The following ZNF92 variants were observed in gnomAD, a reference collection of about 807,000 sequenced individuals.
ZNF92 encodes epididymis luminal protein 203.
Under a neutral mutation model 12.4 loss-of-function variants are expected in ZNF92, and 11 were observed. The observed-to-expected ratio is 0.89, with a 90% CI of 0.56 to 1.47. The LOEUF is 1.47. Ranked by LOEUF, ZNF92 falls within the 40% of genes most tolerant of loss-of-function variation. The pLI, the probability that ZNF92 is intolerant of heterozygous loss-of-function variation, is 0.00. For synonymous variants in ZNF92, 206 were observed against 228.6 expected (o/e 0.90, Z 0.89); for missense variants, 622 against 681.0 (o/e 0.91, Z 0.96).
In ZNF92 at chr7:65,398,707, A is replaced by G; in HGVS notation, c.593A>G (p.Glu198Gly). Residue 198 changes from glutamate to glycine, a missense_variant, in exon 4 of 4, where the codon GAG becomes GGG. Glu to Gly is a moderately conservative substitution (Grantham distance 98). Transcript: ENST00000328747. ...CAACATAAGAAAATTCATACTAGAG[A>G]GTATTCTTACAAATGTGAAGAATGT... Reference protein sequence around the residue: ...LTQHKKIHTREYSYKCEECGK... With the variant: ...LTQHKKIHTRGYSYKCEECGK... 2.5e-6 allele frequency: 4 copies of G among 1,612,008 alleles called. No individual in the cohort carries two copies. The highest frequency in any genetic ancestry group is 2.2e-5 in the East Asian group (1 of 44,828).
At chr7:65,375,147 T>C (rs746326395) in intron 1 of ZNF92, among the ~76,000 whole-genome samples, 2 of 152,114 alleles carry the variant, frequency 1.3e-5, no homozygotes, top group Non-Finnish European at 2.9e-5. Context: ...CTCTTTTCTT[T>C]TTATCTTCCT....
At position 65,374,169 on chromosome 7, in the gene ZNF92, G is replaced by T. The variant is rs1432569470; in HGVS notation, c.3+169G>T. ...AGTCTCCTTCAGCCATAAGATGGCG[G>T]CTGGGCTGACAGCCGGGACCCCGGG... On this transcript the variant is annotated intron_variant, in intron 1 of 3. Coordinates refer to ENST00000328747, the MANE Select transcript of ZNF92 (RefSeq NM_152626.4). 3.9e-5 allele frequency among the ~76,000 whole-genome samples: 6 copies of T among 152,088 alleles called. No homozygotes were observed. In the East Asian group the frequency reaches 9.7e-4, roughly 24 times the overall value.
Position 65,398,873 on chromosome 7 carries a change from A to C in ZNF92, c.759A>C (p.Gly253=). The change falls in exon 4 of 4, where the codon GGA becomes GGC. Residue 253 remains glycine (G), a synonymous_variant. Coordinates refer to ENST00000328747, the MANE Select transcript of ZNF92 (RefSeq NM_152626.4). The part of the protein sequence containing the change: ...NLTKHKIIHT[G]EKPYKCEECG... The stretch of plus-strand genomic sequence containing the variant: ...CTAAACATAAAATAATTCATACTGG[A>C]GAGAAACCCTACAAATGTGAAGAAT... 6.2e-7 allele frequency: 1 copy of C among 1,613,062 alleles called. No homozygotes were observed.
Position 65,401,007 on chromosome 7 carries a change from GAAA to G in ZNF92, c.*1137_*1139del, listed in dbSNP as rs567597169. ...CTAACATTCTTTTGCAGTATAGTGA[GAAA>G]AAAACATTTTAAAATTAATTATCAT... On this transcript the variant is annotated 3_prime_UTR_variant, in exon 4 of 4. Coordinates refer to ENST00000328747, the MANE Select transcript of ZNF92 (RefSeq NM_152626.4). The G allele has an allele frequency of 9.0e-4, 137 of 151,952 alleles. 1 individual carries two copies. Among genetic ancestry groups the G allele is most frequent in the African/African-American group, 2.9e-3 (119 of 41,456 alleles). 9.4% of individuals were successfully genotyped at this position (151,952 alleles called of 1,614,324 possible).
At position 65,387,889 on chromosome 7, in the gene ZNF92, G is replaced by A. The variant is rs1562793074; in HGVS notation, c.4-13G>A. On this transcript the variant is annotated splice_polypyrimidine_tract_variant and intron_variant, in intron 1 of 3. Transcript: ENST00000328747. ...AACATATGTGTGTTTGTGTGTGTGT[G>A]TGTGTTTTTCAGGGACCACTGACAT... The A allele has an allele frequency of 6.3e-7, 1 of 1,594,580 alleles. No individual in the cohort carries two copies. The highest frequency in any genetic ancestry group is 8.5e-7 in the Non-Finnish European group (1 of 1,171,164).
intron 1 of ZNF92, among the ~76,000 whole-genome samples, chr7:65,375,765 T>C (rs1028100053): frequency 6.6e-6 from 1 of 151,542 alleles, no homozygotes; most frequent in Non-Finnish European, 1.5e-5. Context: ...GGGGAATCGC[T>C]TGAACCCGGG....
intron 1 of ZNF92, among the ~76,000 whole-genome samples, chr7:65,386,731 A>C (rs1027228585): frequency 6.6e-6 from 1 of 152,136 alleles, no homozygotes; most frequent in Non-Finnish European, 1.5e-5. Flanking sequence ...ATGTTTCTTT[A>C]TGGTTAAATT....
Position 65,400,587 on chromosome 7 carries a change from GAGTGTTGAGTATAGGAGA to G in ZNF92, c.*713_*730del, listed in dbSNP as rs1793988350. The stretch of plus-strand genomic sequence containing the variant: ...ATACTTCAGACATTACACTAAATTA[GAGTGTTGAGTATAGGAGA>G]TCCAAAACTAAAATTGTTAGGTAAG... On this transcript the variant is annotated 3_prime_UTR_variant, in exon 4 of 4. Transcript: ENST00000328747. 1 of 151,932 alleles carries G rather than the reference GAGTGTTGAGTATAGGAGA, an allele frequency of 6.6e-6. No homozygotes were observed. Among genetic ancestry groups the G allele is most frequent in the Admixed American group, 6.6e-5 (1 of 15,250 alleles). 9.4% of individuals were successfully genotyped at this position (151,932 alleles called of 1,614,324 possible).
intron 3 of ZNF92, among the ~76,000 whole-genome samples, chr7:65,397,082 T>G (rs1301993765): frequency 6.6e-6 from 1 of 151,958 alleles, no homozygotes; most frequent in Non-Finnish European, 1.5e-5. Flanking sequence ...GCCAGTAAGT[T>G]TTACCTTCTG....
At position 65,388,059 on chromosome 7, in the gene ZNF92, T is replaced by C. The variant is rs763483548; in HGVS notation, c.130+31T>C. On this transcript the variant is annotated intron_variant, in intron 2 of 3. Transcript: ENST00000328747. ...GATAACTTCAATACACAATACACAA[T>C]GCTCTAAAAGTTTCATTTCTCCTCT... is the stretch of plus-strand genomic sequence containing the variant. The C allele has an allele frequency of 1.9e-6, 3 of 1,564,644 alleles. No individual in the cohort carries two copies. In the South Asian group the frequency reaches 3.5e-5, roughly 18 times the overall value.
intron 3 of ZNF92, among the ~76,000 whole-genome samples, chr7:65,393,406 C>G (rs1793771369): frequency 2.0e-5 from 3 of 150,994 alleles, no homozygotes; most frequent in African/African-American, 7.3e-5. Flanking sequence ...GTTTATAAAT[C>G]AAGAAGACAG....
intron 3 of ZNF92, among the ~76,000 whole-genome samples, chr7:65,395,969 T>C (rs551407759): frequency 5.9e-5 from 9 of 152,236 alleles, no homozygotes; most frequent in Admixed American, 2.0e-4. Flanking sequence ...TGGTTTGCAG[T>C]GGTGTGATCA....
Position 65,398,337 on chromosome 7 carries a change from T to G in ZNF92, c.227-4T>G, listed in dbSNP as rs1793897738. The G allele has an allele frequency of 5.3e-6, 8 of 1,516,834 alleles. No individual in the cohort carries two copies. The East Asian group carries it at 1.8e-4, about 34-fold the overall frequency. The allele number at this position is 1,516,834 out of a possible 1,614,324, so 94.0% of individuals were successfully genotyped here. A position where few individuals can be genotyped will look rare whatever the true frequency, so the allele number is the denominator to read the frequency against. On this transcript the variant is annotated splice_polypyrimidine_tract_variant and splice_region_variant and intron_variant, in intron 3 of 3. Transcript: ENST00000328747. The stretch of plus-strand genomic sequence containing the variant: ...AAGTAACTTGTTATTTTTATTTTTT[T>G]CAGTTATGTGTTCTCATTTTGCCCA...
At chr7:65,393,007 T>TTG (rs1413355584) in intron 3 of ZNF92, among the ~76,000 whole-genome samples, 4 of 152,130 alleles carry the variant, frequency 2.6e-5, no homozygotes, top group African/African-American at 9.7e-5. Flanking sequence ...TGAGCCTTAA[T>TTG]TGTGCCACTG....
intron 3 of ZNF92, among the ~76,000 whole-genome samples, chr7:65,396,649 T>C (rs959697061): frequency 6.6e-6 from 1 of 152,092 alleles, no homozygotes; most frequent in African/African-American, 2.4e-5. Flanking sequence ...TGTGCAGCAT[T>C]ATTTTATTTT....
intron 3 of ZNF92, among the ~76,000 whole-genome samples, chr7:65,395,482 A>G (rs1449845159): frequency 1.3e-5 from 2 of 152,130 alleles, no homozygotes; most frequent in Non-Finnish European, 2.9e-5. Flanking sequence ...TAGTTGGTCT[A>G]TGATATTGTT....
At chr7:65,386,790 G>A (rs1344335805) in intron 1 of ZNF92, among the ~76,000 whole-genome samples, 1 of 152,034 alleles carries the variant, frequency 6.6e-6, no homozygotes, top group Non-Finnish European at 1.5e-5. Context: ...CAGTGATGCT[G>A]TGTCCTTCTG....
At chr7:65,397,482 T>C (rs1015682325) in intron 3 of ZNF92, among the ~76,000 whole-genome samples, 1 of 147,162 alleles carries the variant, frequency 6.8e-6, no homozygotes, top group African/African-American at 2.5e-5. Context: ...ATTTTCAATT[T>C]CTTTATAACT....
intron 1 of ZNF92, among the ~76,000 whole-genome samples, chr7:65,379,186 G>A (rs1350630795): frequency 2.6e-5 from 4 of 152,094 alleles, no homozygotes; most frequent in African/African-American, 9.7e-5. Flanking sequence ...TGAGGTTTTT[G>A]ACTGACATCG....
Sources: allele counts gnomAD v4.1 joint callset (sites outside exome capture counted in the v4.1 genomes callset), GRCh38; gene constraint gnomAD v4.1.1; transcripts MANE v1.5; gene names NCBI Gene and HGNC (gene_info 2026-07-23, HGNC 2026-07-21).